SOX6: variants seen among roughly 807,000 people sequenced by gnomAD.
SOX6 encodes transcription factor SOX-6.
A neutral mutation model predicts 97.8 loss-of-function variants in SOX6; 11 were observed. The ratio of observed to expected loss-of-function variants is 0.11; its 90% confidence interval spans 0.07 to 0.19. SOX6 has a LOEUF of 0.19. Among genes scored for constraint, SOX6 ranks in the 10% least tolerant of loss-of-function variants. SOX6 has a pLI of 1.00. For synonymous variants in SOX6, 360 were observed against 371.4 expected, an observed-to-expected ratio of 0.97 and a Z score of 0.35; for missense variants, 810 against 1,039.5, an observed-to-expected ratio of 0.78 and a Z score of 3.04.
intron 12 of SOX6, among the ~76,000 whole-genome samples, chr11:16,045,136 A>G (rs1855790157): frequency 6.6e-6 from 1 of 152,202 alleles, no homozygotes; most frequent in South Asian, 2.1e-4. Flanking sequence ...ATTAATCTGT[A>G]GAATTTGAAG....
At chr11:16,113,678 A>T (rs1849281412) in intron 6 of SOX6, among the ~76,000 whole-genome samples, 1 of 152,216 alleles carries the variant, frequency 6.6e-6, no homozygotes. Flanking sequence ...CCTAATATGT[A>T]CCTAAAATAT....
At chr11:16,635,904 G>A (rs1848779504) in intron 3 of SOX6, among the ~76,000 whole-genome samples, 1 of 152,198 alleles carries the variant, frequency 6.6e-6, no homozygotes. Flanking sequence ...ATTGAGGTTT[G>A]GGAACCTCTG....
chr11:16,307,654 G>T (rs1170610612), intron 3 of SOX6, among the ~76,000 whole-genome samples: 1 of 152,146 alleles, frequency 6.6e-6, no homozygotes, highest in Non-Finnish European at 1.5e-5. Context: ...CACACAGTTT[G>T]TTAGCCACTC....
chr11:15,979,333 A>C (rs2119812904), intron 15 of SOX6, among the ~76,000 whole-genome samples: 1 of 152,000 alleles, frequency 6.6e-6, no homozygotes. Context: ...CCACCCCTAC[A>C]AACCTGGAAC....
chr11:16,156,910 CACT>C (rs1850616301), intron 6 of SOX6, among the ~76,000 whole-genome samples: 1 of 151,998 alleles, frequency 6.6e-6, no homozygotes, highest in Non-Finnish European at 1.5e-5. Flanking sequence ...TAGAATTTAT[CACT>C]ACATGATATT....
intron 4 of SOX6, among the ~76,000 whole-genome samples, chr11:16,227,797 G>C (rs573190283): frequency 1.3e-5 from 2 of 152,154 alleles, no homozygotes; most frequent in South Asian, 2.1e-4. Flanking sequence ...ATATGTATTA[G>C]GCCAAACTTC....
At chr11:16,676,309 A>G (rs940878453) in intron 3 of SOX6, among the ~76,000 whole-genome samples, 3 of 152,166 alleles carry the variant, frequency 2.0e-5, no homozygotes, top group African/African-American at 7.2e-5. Context: ...CATCAGTCTC[A>G]TGGTTTCCTT....
chr11:15,991,273 T>A (rs12575006), intron 13 of SOX6, among the ~76,000 whole-genome samples: 14,275 of 152,158 alleles, frequency 0.094, 1,398 homozygotes, highest in East Asian at 0.37. Flanking sequence ...GATAAATTGA[T>A]TTCACTTTAT....
chr11:16,459,788 G>A (rs1859884251), intron 1 of SOX6, among the ~76,000 whole-genome samples: 1 of 151,912 alleles, frequency 6.6e-6, no homozygotes, highest in Non-Finnish European at 1.5e-5. Context: ...AAAATGTGGG[G>A]TGAAAAAGAT....
chr11:16,382,026 C>A (rs1857837025), intron 1 of SOX6, among the ~76,000 whole-genome samples: 1 of 151,858 alleles, frequency 6.6e-6, no homozygotes, highest in South Asian at 2.1e-4. Context: ...TAATAAACCA[C>A]CATTAAAATA....
intron 1 of SOX6, among the ~76,000 whole-genome samples, chr11:16,366,904 T>G (rs1464168613): frequency 6.6e-6 from 1 of 152,054 alleles, no homozygotes; most frequent in Admixed American, 6.6e-5. Context: ...GTGAATAAGC[T>G]CTATTAGGTC....
chr11:16,729,438 G>A (rs1167281504), intron 2 of SOX6, among the ~76,000 whole-genome samples: 1 of 152,128 alleles, frequency 6.6e-6, no homozygotes, highest in Non-Finnish European at 1.5e-5. Flanking sequence ...CAATCTTAAG[G>A]AAAAGAATTT....
At chr11:16,270,928 GT>G (rs1162736798) in intron 3 of SOX6, among the ~76,000 whole-genome samples, 4 of 151,274 alleles carry the variant, frequency 2.6e-5, no homozygotes, top group Non-Finnish European at 4.4e-5. Flanking sequence ...TAATGAAAGA[GT>G]TTTGGGAATA....
chr11:16,607,018 C>T lies in SOX6; in HGVS notation n.609+5063G>A, dbSNP rs1404518358. Among the ~76,000 whole-genome samples the T allele has an allele frequency of 6.6e-6, 1 of 152,150 alleles. No homozygotes were observed. The highest frequency in any genetic ancestry group is 1.5e-5 in the Non-Finnish European group (1 of 68,010). The stretch of plus-strand genomic sequence containing the variant: ...CCCTCGGAGCGCCCTCCTCCCGCTC[C>T]TCCTCCTCCTTTCCCCTCCCCAGCC... On this transcript the variant is annotated intron_variant and non_coding_transcript_variant, in intron 4 of 5. Transcript: ENST00000524520. The surrounding 1 kb of genome is among the most constrained non-coding windows in gnomAD (Gnocchi z 6.5).
intron 15 of SOX6, among the ~76,000 whole-genome samples, chr11:15,983,757 T>C (rs1200200336): frequency 6.6e-6 from 1 of 152,146 alleles, no homozygotes; most frequent in African/African-American, 2.4e-5. Context: ...ATTCTGATCA[T>C]TGCCTGCACT....
intron 6 of SOX6, among the ~76,000 whole-genome samples, chr11:16,142,748 T>A (rs1470723055): frequency 1.3e-5 from 2 of 151,778 alleles, no homozygotes; most frequent in African/African-American, 4.8e-5. Flanking sequence ...ATAAAGGGTA[T>A]CAGTGATGGA....
chr11:16,359,581 T>C (rs1237289687), upstream of SOX6, among the ~76,000 whole-genome samples: 2 of 152,182 alleles, frequency 1.3e-5, no homozygotes, highest in African/African-American at 2.4e-5. Context: ...TCTTATCTTG[T>C]CCTTGGTGTT....
At chr11:16,339,004 T>C (rs547594531) in intron 2 of SOX6, among the ~76,000 whole-genome samples, 1 of 152,090 alleles carries the variant, frequency 6.6e-6, no homozygotes, top group South Asian at 2.1e-4. Flanking sequence ...TATTTTCCAG[T>C]CCAGTTATTT....
chr11:16,378,340 G>C (rs1004143042), intron 1 of SOX6, among the ~76,000 whole-genome samples: 3 of 152,026 alleles, frequency 2.0e-5, no homozygotes, highest in Non-Finnish European at 4.4e-5. Flanking sequence ...GGGGTAGGGG[G>C]AAAGACTTGA....
Sources: gnomAD v4.1 joint callset for allele counts (sites outside exome capture counted in the v4.1 genomes callset) on GRCh38, gnomAD v4.1.1 for gene constraint, Gnocchi (gnomAD v3.1) non-coding constraint, MANE v1.5 for transcripts, NCBI Gene and HGNC (gene_info 2026-07-23, HGNC 2026-07-21) for gene names.